Variants in VRK2 observed in about 807,000 individuals in gnomAD.
VRK2 encodes the protein serine/threonine-protein kinase VRK2.
Under a neutral mutation model 57.6 loss-of-function variants are expected in VRK2, and 60 were observed. That is an observed-to-expected ratio of 1.04 (90% confidence interval 0.85 to 1.29). The LOEUF (loss-of-function observed/expected upper bound fraction) is 1.29. Among genes scored for constraint, VRK2 ranks in the 50% most tolerant of loss-of-function variants. The pLI is 0.00. For synonymous variants in VRK2, 231 were observed against 199.2 expected (o/e 1.16, Z -1.35); for missense variants, 705 against 588.1 (o/e 1.20, Z -2.06).
At chr2:58,108,501 C>CCTTT (rs940954805) in intron 7 of VRK2, among the ~76,000 whole-genome samples, 5 of 151,964 alleles carry the variant, frequency 3.3e-5, no homozygotes, top group Admixed American at 6.6e-5. Flanking sequence ...CTGATGCAAA[C>CCTTT]CTTTCTTTCT....
intron 1 of VRK2, among the ~76,000 whole-genome samples, chr2:57,914,776 G>A (rs895115407): frequency 6.6e-6 from 1 of 152,042 alleles, no homozygotes. Flanking sequence ...AAGAAACATT[G>A]CTCTCCAAGT....
intron 1 of VRK2, among the ~76,000 whole-genome samples, chr2:57,962,559 C>T (rs1410464088): frequency 1.3e-5 from 2 of 151,912 alleles, no homozygotes; most frequent in African/African-American, 2.4e-5. Context: ...TTTTTCGATC[C>T]TCTCCCTCCT....
At chr2:58,103,287 T>A (rs1674277612) in intron 7 of VRK2, among the ~76,000 whole-genome samples, 1 of 150,686 alleles carries the variant, frequency 6.6e-6, no homozygotes, top group Admixed American at 6.6e-5. Context: ...AAAATTAAAA[T>A]AAAAAAATCA....
intron 11 of VRK2, among the ~76,000 whole-genome samples, chr2:58,145,028 C>T (rs960617763): frequency 5.9e-5 from 9 of 151,968 alleles, no homozygotes; most frequent in Non-Finnish European, 7.4e-5. Flanking sequence ...ACTATTTCCC[C>T]TTTGTGCTGT....
intron 7 of VRK2, among the ~76,000 whole-genome samples, chr2:58,091,150 T>G (rs1672319763): frequency 6.6e-6 from 1 of 152,124 alleles, no homozygotes; most frequent in South Asian, 2.1e-4. Flanking sequence ...ATGTCATCAT[T>G]TGGTTGTTAA....
chr2:58,023,204 G>A (rs569130170), intron 1 of VRK2, among the ~76,000 whole-genome samples: 1 of 152,216 alleles, frequency 6.6e-6, no homozygotes, highest in Admixed American at 6.5e-5. Flanking sequence ...ACTACTTTAG[G>A]CACGTCAAAT....
At chr2:58,010,833 G>A (rs1193018447) in intron 1 of VRK2, among the ~76,000 whole-genome samples, 1 of 152,102 alleles carries the variant, frequency 6.6e-6, no homozygotes, top group East Asian at 1.9e-4. Flanking sequence ...CAAGGACAGG[G>A]AATTTTCTAT....
At chr2:58,121,809 T>G (rs1394478656) in intron 7 of VRK2, among the ~76,000 whole-genome samples, 1 of 152,228 alleles carries the variant, frequency 6.6e-6, no homozygotes, top group Admixed American at 6.5e-5. Context: ...AATGATACAT[T>G]TTCCAAGTTG....
At position 58,027,457 on chromosome 2, in the gene VRK2, A is replaced by G. The variant is rs188941945; in HGVS notation, c.-333+1687A>G. ...GAATATATACCTATAGGAGCCTTTT[A>G]AACAGCAGAAAGCAGGATTTTCCCT... On this transcript the variant is annotated intron_variant, in intron 2 of 15. Transcript: ENST00000417641. Among the ~76,000 whole-genome samples the G allele has an allele frequency of 2.4e-4, 36 of 152,268 alleles. 1 individual carries two copies. In the East Asian group the frequency reaches 6.4e-3, roughly 27 times the overall value.
intron 1 of VRK2, among the ~76,000 whole-genome samples, chr2:57,978,045 GC>G (rs1020803909): frequency 2.6e-5 from 4 of 151,112 alleles, no homozygotes; most frequent in African/African-American, 9.9e-5. Flanking sequence ...GCTGAACTAA[GC>G]TTAAGTCATA....
At chr2:58,024,013 C>G in intron 1 of VRK2, among the ~76,000 whole-genome samples, 1 of 146,894 alleles carries the variant, frequency 6.8e-6, no homozygotes, top group East Asian at 2.0e-4. Context: ...GAGTCTCACT[C>G]TGTAGCCCAG....
At chr2:57,916,007 T>C (rs555579991) in intron 1 of VRK2, among the ~76,000 whole-genome samples, 2 of 152,236 alleles carry the variant, frequency 1.3e-5, no homozygotes, top group South Asian at 2.1e-4. Context: ...TTTCGTGGAA[T>C]TGTCTTCCAT....
chr2:58,159,874 G>C (rs3732137), downstream of VRK2: 332 of 1,596,268 alleles, frequency 2.1e-4, 2 homozygotes, highest in East Asian at 7.4e-3. Context: ...ACTAGAAATA[G>C]TGTCATAGAA....
intron 1 of VRK2, among the ~76,000 whole-genome samples, chr2:57,998,320 T>C (rs1672988269): frequency 6.6e-6 from 1 of 152,228 alleles, no homozygotes; most frequent in Non-Finnish European, 1.5e-5. Context: ...ATATAAGCAA[T>C]TGATATCTAA....
At chr2:58,072,193 G>A (rs925830197) in intron 2 of VRK2, among the ~76,000 whole-genome samples, 10 of 151,882 alleles carry the variant, frequency 6.6e-5, no homozygotes, top group African/African-American at 7.2e-5. Flanking sequence ...GATTTTCAAT[G>A]TATAAGATCA....
intron 7 of VRK2, among the ~76,000 whole-genome samples, chr2:58,096,147 T>C (rs764720009): frequency 8.5e-5 from 13 of 152,104 alleles, no homozygotes; most frequent in Non-Finnish European, 1.0e-4. Flanking sequence ...TGATGTGTTA[T>C]GGCATAATAT....
chr2:57,941,445 CAT>C (rs1297597639), intron 1 of VRK2, among the ~76,000 whole-genome samples: 2 of 152,098 alleles, frequency 1.3e-5, no homozygotes, highest in Admixed American at 6.5e-5. Flanking sequence ...GCTTTAGAAA[CAT>C]GTGTGGATTA....
chr2:58,123,078 AT>A, intron 7 of VRK2, 22 bp from the exon 8 acceptor site: 3 of 1,587,924 alleles, frequency 1.9e-6, no homozygotes, highest in Non-Finnish European at 2.6e-6. Flanking sequence ...GGCATTATTC[AT>A]TTGTCTGTGC....
chr2:58,143,838 A>T (rs561489986), intron 11 of VRK2, among the ~76,000 whole-genome samples: 1 of 151,864 alleles, frequency 6.6e-6, no homozygotes, highest in South Asian at 2.1e-4. Context: ...GTGTGTGTCA[A>T]TGGGTGAATG....
Sources: gnomAD v4.1 joint callset for allele counts (sites outside exome capture counted in the v4.1 genomes callset) on GRCh38, gnomAD v4.1.1 for gene constraint, MANE v1.5 for transcripts, NCBI Gene and HGNC (gene_info 2026-07-23, HGNC 2026-07-21) for gene names.